The following CDH18 variants were observed in gnomAD, a reference collection of about 807,000 sequenced individuals.
CDH18 encodes the protein cadherin 18.
Under a neutral mutation model 67.9 loss-of-function variants are expected in CDH18, and 31 were observed. The ratio of observed to expected loss-of-function variants is 0.46; its 90% CI spans 0.34 to 0.62. CDH18 has a LOEUF of 0.62. Among genes scored for constraint, CDH18 ranks in the 20% least tolerant of loss-of-function variants. The probability of loss-of-function intolerance (pLI) is 0.01; values close to 1 mark genes in which losing one functional copy is unlikely to be tolerated. For synonymous variants in CDH18, 362 were observed against 347.2 expected, an observed-to-expected ratio of 1.04 and a Z score of -0.48; for missense variants, 890 against 975.5, an observed-to-expected ratio of 0.91 and a Z score of 1.17.
intron 5 of CDH18, among the ~76,000 whole-genome samples, chr5:19,624,857 A>T (rs1751275202): frequency 6.6e-6 from 1 of 152,116 alleles, no homozygotes; most frequent in Non-Finnish European, 1.5e-5. Flanking sequence ...AATACTAAGG[A>T]TAGAGGTTAA....
intron 3 of CDH18, among the ~76,000 whole-genome samples, chr5:19,789,192 G>A (rs1776113716): frequency 6.6e-6 from 1 of 152,168 alleles, no homozygotes; most frequent in African/African-American, 2.4e-5. Context: ...GCTACACCAT[G>A]TCTGCAAAAG....
intron 11 of CDH18, 88 bp downstream of exon 11, chr5:19,502,904 G>A: frequency 2.4e-6 from 2 of 818,300 alleles, no homozygotes; most frequent in East Asian, 2.4e-5. Context: ...TTTGCAAGAT[G>A]TTTGTGTGTA....
chr5:19,866,053 A>G (rs1293701718), intron 2 of CDH18, among the ~76,000 whole-genome samples: 2 of 151,122 alleles, frequency 1.3e-5, no homozygotes. Flanking sequence ...GGGAAAGAAA[A>G]ACAACAACAA....
chr5:20,198,731 G>T (rs1385319352), intron 2 of CDH18, among the ~76,000 whole-genome samples: 1 of 152,140 alleles, frequency 6.6e-6, no homozygotes, highest in Non-Finnish European at 1.5e-5. Flanking sequence ...CCCCACCCAT[G>T]ACAGGCCTGG....
chr5:20,370,464 G>A (rs1288009935), intron 1 of CDH18, among the ~76,000 whole-genome samples: 1 of 152,042 alleles, frequency 6.6e-6, no homozygotes, highest in African/African-American at 2.4e-5. Context: ...GAGGCTTTTT[G>A]TCTAGTGTTT....
At chr5:19,673,076 G>C (rs1367150104) in intron 5 of CDH18, among the ~76,000 whole-genome samples, 1 of 151,990 alleles carries the variant, frequency 6.6e-6, no homozygotes, top group Non-Finnish European at 1.5e-5. Context: ...ACAATGGTTT[G>C]TGACATTAGT....
intron 2 of CDH18, among the ~76,000 whole-genome samples, chr5:20,062,952 T>G (rs2150511568): frequency 6.6e-6 from 1 of 151,084 alleles, no homozygotes; most frequent in Admixed American, 6.6e-5. Flanking sequence ...TGTAATATAA[T>G]GTACATTGCA....
chr5:19,837,561 C>T (rs894550024), intron 3 of CDH18, among the ~76,000 whole-genome samples: 1 of 151,992 alleles, frequency 6.6e-6, no homozygotes, highest in Admixed American at 6.6e-5. Flanking sequence ...GTTCTTCTGT[C>T]TCATTTTAAT....
chr5:19,891,484 C>T (rs372261917), intron 2 of CDH18, among the ~76,000 whole-genome samples: 10 of 152,188 alleles, frequency 6.6e-5, no homozygotes, highest in East Asian at 5.8e-4. Flanking sequence ...AAGATAATCA[C>T]GTAAAAGATA....
chr5:19,901,688 T>C (rs979520200), intron 2 of CDH18, among the ~76,000 whole-genome samples: 19 of 152,062 alleles, frequency 1.2e-4, no homozygotes, highest in Non-Finnish European at 2.5e-4. Flanking sequence ...ATAGAATTTA[T>C]AATATTAGAT....
Position 20,394,091 on chromosome 5 carries a change from T to C in CDH18, c.-579-138586A>G, listed in dbSNP as rs532310126. 8.6e-5 allele frequency among the ~76,000 whole-genome samples: 13 copies of C among 152,032 alleles called. No homozygotes were observed. In the South Asian group the frequency reaches 2.7e-3, roughly 32 times the overall value. On this transcript the variant is annotated intron_variant, in intron 1 of 14. Transcript: ENST00000507958. ...AATTATATGGAATCCCAAAAGTACCTGAATAGCCAAAACAATCCCAAGCAA... is the reference window on the plus strand; with the variant it reads ...AATTATATGGAATCCCAAAAGTACCCGAATAGCCAAAACAATCCCAAGCAA...
chr5:19,861,025 C>T (rs1230772099), intron 2 of CDH18, among the ~76,000 whole-genome samples: 1 of 151,950 alleles, frequency 6.6e-6, no homozygotes, highest in Non-Finnish European at 1.5e-5. Flanking sequence ...GTTGAGATAA[C>T]TAAAATAATA....
intron 1 of CDH18, among the ~76,000 whole-genome samples, chr5:20,575,248 GA>G (rs999975870): frequency 6.9e-4 from 102 of 148,686 alleles, no homozygotes; most frequent in African/African-American, 2.1e-3. Context: ...CCTTATTTTT[GA>G]AAAAAAAATC....
intron 1 of CDH18, among the ~76,000 whole-genome samples, chr5:20,463,626 T>C (rs1407068020): frequency 6.6e-6 from 1 of 152,106 alleles, no homozygotes; most frequent in Non-Finnish European, 1.5e-5. Context: ...ACCATCACCA[T>C]GATTCAATTA....
chr5:19,574,653 G>A (rs1742011730), intron 7 of CDH18, among the ~76,000 whole-genome samples: 1 of 151,918 alleles, frequency 6.6e-6, no homozygotes, highest in African/African-American at 2.4e-5. Flanking sequence ...TTCTATTACT[G>A]TAACTCTGGG....
chr5:20,023,722 C>A (rs2150438169), intron 2 of CDH18, among the ~76,000 whole-genome samples: 1 of 150,514 alleles, frequency 6.6e-6, no homozygotes, highest in South Asian at 2.1e-4. Context: ...GAATATTTAG[C>A]AAAACTTAAA....
chr5:19,823,125 A>G (rs1056669081), intron 3 of CDH18, among the ~76,000 whole-genome samples: 14 of 152,200 alleles, frequency 9.2e-5, no homozygotes, highest in African/African-American at 3.4e-4. Flanking sequence ...TTCCCTGAAC[A>G]TTGCTGTTAA....
chr5:19,489,540 C>T (rs1216928670), intron 11 of CDH18, among the ~76,000 whole-genome samples: 9 of 152,082 alleles, frequency 5.9e-5, no homozygotes, highest in East Asian at 3.9e-4. Flanking sequence ...AGCCACCGCG[C>T]CTGGCCAATA....
At chr5:19,625,545 G>A (rs959084320) in intron 5 of CDH18, among the ~76,000 whole-genome samples, 4 of 151,966 alleles carry the variant, frequency 2.6e-5, no homozygotes, top group African/African-American at 9.7e-5. Context: ...TTTCTTCTTG[G>A]GGCAGTATGG....
Sources: gnomAD v4.1 joint callset for allele counts (sites outside exome capture counted in the v4.1 genomes callset) on GRCh38, gnomAD v4.1.1 for gene constraint, MANE v1.5 for transcripts, NCBI Gene and HGNC (gene_info 2026-07-23, HGNC 2026-07-21) for gene names.